Variants in DGKD observed in about 807,000 individuals in gnomAD.
The protein encoded by DGKD is DAG kinase delta.
DGKD carries 68 observed loss-of-function variants against 154.4 expected under a neutral mutation model. That is an observed-to-expected ratio of 0.44 (90% CI 0.36 to 0.54). The LOEUF (loss-of-function observed/expected upper bound fraction) is 0.54. Among genes scored for constraint, DGKD ranks in the 20% least tolerant of loss-of-function variants. DGKD has a pLI of 0.00. For synonymous variants in DGKD, 693 were observed against 638.0 expected, an observed-to-expected ratio of 1.09 and a Z score of -1.30; for missense variants, 1,343 against 1,593.6, an observed-to-expected ratio of 0.84 and a Z score of 2.68.
rs1020444666 is a variant in DGKD, at chr2:233,366,402, C to T, written c.156+11728C>T. 2.0e-5 allele frequency among the ~76,000 whole-genome samples: 3 copies of T among 152,116 alleles called. No homozygotes were observed. In the South Asian group the frequency reaches 6.2e-4, roughly 32 times the overall value. On this transcript the variant is annotated intron_variant, in intron 1 of 29. Transcript: ENST00000264057. ...GATTTGAGAGATGCTGAGGAGGTGACATTGTGAGAACTCAGTGATGGTTTG... is the reference window on the plus strand; with the variant it reads ...GATTTGAGAGATGCTGAGGAGGTGATATTGTGAGAACTCAGTGATGGTTTG...
At chr2:233,374,567 A>G (rs1009721487) in intron 1 of DGKD, among the ~76,000 whole-genome samples, 1 of 150,738 alleles carries the variant, frequency 6.6e-6, no homozygotes, top group African/African-American at 2.4e-5. Flanking sequence ...ACTCCTGGGC[A>G]CAAGTGATTT....
Position 233,445,547 on chromosome 2 carries a change from CAAG to C in DGKD, c.1195-75_1195-73del, listed in dbSNP as rs1442848898. 1 of 1,512,388 alleles carries C rather than the reference CAAG, an allele frequency of 6.6e-7. No homozygotes were observed. Among genetic ancestry groups the C allele is most frequent in the African/African-American group, 1.4e-5 (1 of 71,468 alleles). The allele number at this position is 1,512,388 out of a possible 1,614,324, so 93.7% of individuals were successfully genotyped here. ...CTAACGTAACCCTCACGGTGGGGGA[CAAG>C]GAGGGCTGCGGGCTGGGAAGTGGCC... On this transcript the variant is annotated intron_variant, in intron 10 of 29. Coordinates refer to ENST00000264057, the MANE Select transcript of DGKD (RefSeq NM_152879.3). The surrounding 1 kb of genome is among the most constrained non-coding windows in gnomAD (Gnocchi z 5.5).
intron 3 of DGKD, among the ~76,000 whole-genome samples, chr2:233,426,347 C>A (rs1404150735): frequency 6.6e-6 from 1 of 152,102 alleles, no homozygotes; most frequent in Non-Finnish European, 1.5e-5. Flanking sequence ...AGTTCTGTAT[C>A]CTTTTTGACT....
At chr2:233,448,447 C>T (rs992178736) in intron 14 of DGKD, 72 bp downstream of exon 14, 25 of 1,376,906 alleles carry the variant, frequency 1.8e-5, no homozygotes, top group Admixed American at 3.8e-5. Flanking sequence ...AGCAGAGGGC[C>T]GTGACTGCAG....
chr2:233,416,469 A>C (rs1299446061), intron 3 of DGKD, among the ~76,000 whole-genome samples: 1 of 152,200 alleles, frequency 6.6e-6, no homozygotes, highest in Non-Finnish European at 1.5e-5. Flanking sequence ...GTGACCAAAA[A>C]AGTGGATGGT....
chr2:233,447,256 C>T (rs949012219), intron 12 of DGKD, among the ~76,000 whole-genome samples: 4 of 152,248 alleles, frequency 2.6e-5, no homozygotes, highest in Non-Finnish European at 4.4e-5. Context: ...GCTCAGGCTC[C>T]TCTAGTCCAG....
At chr2:233,382,286 C>T (rs1702944103) in intron 1 of DGKD, among the ~76,000 whole-genome samples, 2 of 152,184 alleles carry the variant, frequency 1.3e-5, no homozygotes, top group African/African-American at 4.8e-5. Context: ...AGTTTACCAG[C>T]TTCTTTCCAC....
chr2:233,446,728 T>TACGA lies in DGKD; in HGVS notation c.1352_1355dup (p.Ala453ArgfsTer30), dbSNP rs1299546153. On this transcript the variant is annotated frameshift_variant, in exon 12 of 30. Coordinates refer to ENST00000264057, the MANE Select transcript of DGKD (RefSeq NM_152879.3). LOFTEE classifies it high-confidence loss of function. ...TGTGTGCAGGTGGAGCGTCATGGCA[T>TACGA]ACGAGGCCAAGCTCCCCCGGCAGGC... is the stretch of plus-strand genomic sequence containing the variant. 6.2e-7 allele frequency: 1 copy of TACGA among 1,614,054 alleles called. No individual in the cohort carries two copies. Among genetic ancestry groups the TACGA allele is most frequent in the Non-Finnish European group, 8.5e-7 (1 of 1,180,028 alleles).
chr2:233,409,789 T>TG (rs1307394968), intron 3 of DGKD, among the ~76,000 whole-genome samples: 2 of 14,502 alleles, frequency 1.4e-4, no homozygotes, highest in Non-Finnish European at 2.5e-4. Context: ...CCCATACCGT[T>TG]TTTTTTTTTT....
At chr2:233,360,993 T>G (rs1391276114) in intron 1 of DGKD, among the ~76,000 whole-genome samples, 1 of 69,854 alleles carries the variant, frequency 1.4e-5, no homozygotes, top group African/African-American at 3.5e-5. Flanking sequence ...AGTTTTTTTT[T>G]TTTTTTTTTT....
intron 2 of DGKD, among the ~76,000 whole-genome samples, chr2:233,389,856 A>G (rs976439289): frequency 2.0e-5 from 3 of 152,062 alleles, no homozygotes; most frequent in Non-Finnish European, 4.4e-5. Context: ...CAGGACCAGG[A>G]TCCTTCTGCT....
In DGKD at chr2:233,437,493, A is replaced by T. The variant is rs376698642; in HGVS notation, c.922+14A>T. 30 of 1,611,750 alleles carry T rather than the reference A, an allele frequency of 1.9e-5. No homozygotes were observed. In the African/African-American group the frequency reaches 4.0e-4, roughly 22 times the overall value. ...TCGACTCCGATGGTGGGTACCACAC[A>T]TGCTTATCCTTCTCATGCACGCCCA... is the stretch of plus-strand genomic sequence containing the variant. On this transcript the variant is annotated intron_variant, in intron 8 of 29. Transcript: ENST00000264057.
In DGKD at chr2:233,441,988, A is replaced by G. The variant is rs556674317; in HGVS notation, c.1187A>G (p.His396Arg). 11 of 1,614,144 alleles carry G rather than the reference A, an allele frequency of 6.8e-6. No individual in the cohort carries two copies. The South Asian group carries it at 8.8e-5, about 13-fold the overall frequency. Residue 396 changes from histidine to arginine, a missense_variant, in exon 10 of 30, where the codon CAT becomes CGT. Transcript: ENST00000264057. The surrounding 1 kb of genome is among the most constrained non-coding windows in gnomAD (Gnocchi z 5.6). ...TCCGAAATCGACAGCCTCAACCTTC[A>G]TAAACAGGTACCAGGACAGGAGGGA... Reference protein sequence around the residue: ...VLSEIDSLNLHKQCQLGVLPL... With the variant: ...VLSEIDSLNLRKQCQLGVLPL...
chr2:233,429,124 G>C lies in DGKD; in HGVS notation c.349-5256G>C, dbSNP rs1220186663. 4.1e-6 allele frequency: 4 copies of C among 984,980 alleles called. No individual in the cohort carries two copies. In the African/African-American group the frequency reaches 7.0e-5, roughly 17 times the overall value. 61.0% of individuals were successfully genotyped at this position (984,980 alleles called of 1,614,324 possible). A position where few individuals can be genotyped will look rare whatever the true frequency, so the allele number is the denominator to read the frequency against. ...CTCTCCTTCAGTGTGTGGGTCAGGTGGGCCCAAAGATCCATCTTCTCAAAC... is the reference window on the plus strand; with the variant it reads ...CTCTCCTTCAGTGTGTGGGTCAGGTCGGCCCAAAGATCCATCTTCTCAAAC... On this transcript the variant is annotated intron_variant, in intron 3 of 29. Coordinates refer to ENST00000264057, the MANE Select transcript of DGKD (RefSeq NM_152879.3).
chr2:233,451,020 C>T lies in DGKD; in HGVS notation c.2137C>T (p.Pro713Ser), dbSNP rs759695919. 5 of 1,611,910 alleles carry T rather than the reference C, an allele frequency of 3.1e-6. No homozygotes were observed. Among genetic ancestry groups the T allele is most frequent in the Middle Eastern group, 1.6e-4 (1 of 6,074 alleles). ...PPQPGSRDGLPALNTKILYPN... is the reference protein window; with the variant it reads ...PPQPGSRDGLSALNTKILYPN... The stretch of plus-strand genomic sequence containing the variant: ...CCAGCCGGGAAGCCGGGACGGCCTG[C>T]CTGCGCTCAACACCAAGATCCTGTA... Residue 713 changes from proline to serine, a missense_variant, in exon 17 of 30, where the codon CCT (proline) becomes TCT (serine). Pro to Ser is a moderately conservative substitution (Grantham distance 74, BLOSUM62 -1). Transcript: ENST00000264057.
intron 1 of DGKD, among the ~76,000 whole-genome samples, chr2:233,377,518 C>T (rs1437170219): frequency 6.6e-6 from 1 of 152,156 alleles, no homozygotes; most frequent in African/African-American, 2.4e-5. Flanking sequence ...TTTGAATGTA[C>T]CGTAATTTAT....
intron 3 of DGKD, among the ~76,000 whole-genome samples, chr2:233,406,025 T>C (rs1242022045): frequency 6.6e-6 from 1 of 152,082 alleles, no homozygotes; most frequent in African/African-American, 2.4e-5. Flanking sequence ...GAAATCATGG[T>C]GTTGGCAGGG....
In DGKD at chr2:233,445,702, A is replaced by G; in HGVS notation, c.1274A>G (p.Asp425Gly). ...GGCTGGGGCTCAGCCTGCGATGACG[A>G]CACCCAGCTCCCCCAGATCTTGGAG... is the stretch of plus-strand genomic sequence containing the variant. The part of the protein sequence containing the change: ...VLGWGSACDD[D>G]TQLPQILEKL... The change falls in exon 11 of 30, where the codon GAC becomes GGC. Residue 425 changes from aspartate to glycine, a missense_variant. By Grantham distance (94) the Asp-to-Gly change is moderately conservative. Around this residue, in one of 6 missense-constraint regions of DGKD, gnomAD observed 409 missense variants for 446.0 expected, o/e 0.92. Transcript: ENST00000264057. The surrounding 1 kb of genome is among the most constrained non-coding windows in gnomAD (Gnocchi z 5.5). 2 of 1,613,586 alleles carry G rather than the reference A, an allele frequency of 1.2e-6. No homozygotes were observed. The highest frequency in any genetic ancestry group is 1.7e-5 in the Admixed American group (1 of 59,964).
chr2:233,436,021 C>G, intron 6 of DGKD, 97 bp downstream of exon 6: 1 of 1,290,862 alleles, frequency 7.7e-7, no homozygotes, highest in South Asian at 1.4e-5. Context: ...GCCACTGTTT[C>G]ATTTGAGATG....
Sources: gnomAD v4.1 joint callset for allele counts (sites outside exome capture counted in the v4.1 genomes callset) on GRCh38, gnomAD v4.1.1 for gene constraint, gnomAD v4.1.1 regional missense constraint, Gnocchi (gnomAD v3.1) non-coding constraint, MANE v1.5 for transcripts, NCBI Gene and HGNC (gene_info 2026-07-23, HGNC 2026-07-21) for gene names.